LRRC7: variants seen among roughly 807,000 people sequenced by gnomAD.
The protein encoded by LRRC7 is leucine-rich repeat-containing protein 7.
LRRC7 carries 23 observed loss-of-function variants against 175.7 expected under a neutral mutation model. That is an observed-to-expected ratio of 0.13 (90% confidence interval 0.09 to 0.19). The LOEUF is 0.19. LRRC7 is among the 10% of genes least tolerant of loss of function. LRRC7 has a pLI of 1.00. For missense variants in LRRC7, 1,354 were observed against 1,904.7 expected, an observed-to-expected ratio of 0.71 and a Z score of 5.38; for synonymous variants, 685 against 680.9, an observed-to-expected ratio of 1.01 and a Z score of -0.09.
intron 25 of LRRC7, among the ~76,000 whole-genome samples, chr1:70,090,861 G>A (rs1364570160): frequency 2.6e-5 from 4 of 152,060 alleles, no homozygotes; most frequent in African/African-American, 9.7e-5. Context: ...TCTGTAGCCC[G>A]AAACAGAGCC....
chr1:69,930,529 A>C (rs1482403777), intron 7 of LRRC7, among the ~76,000 whole-genome samples: 1 of 152,188 alleles, frequency 6.6e-6, no homozygotes, highest in African/African-American at 2.4e-5. Context: ...ATTTTCTCAT[A>C]GTGTATGTTT....
At position 69,717,842 on chromosome 1, in the gene LRRC7, A is replaced by G. The variant is rs564132263; in HGVS notation, c.100+39364A>G. Reference sequence around the variant, plus strand: ...AGAAAGAAAGAAAGAAAGAAAGAAAAAAGAAAGAAAGGAAAGAAAGAAAGA... The same window carrying G: ...AGAAAGAAAGAAAGAAAGAAAGAAAGAAGAAAGAAAGGAAAGAAAGAAAGA... On this transcript the variant is annotated intron_variant, in intron 2 of 26. Transcript: ENST00000651989. Among the ~76,000 whole-genome samples, 69 of 16,006 alleles carry G rather than the reference A, an allele frequency of 4.3e-3. 7 individuals are homozygous for G. Among genetic ancestry groups the G allele is most frequent in the African/African-American group, 0.01 (17 of 1,660 alleles). 10.5% of individuals were successfully genotyped at this position (16,006 alleles called of 152,430 possible).
intron 20 of LRRC7, among the ~76,000 whole-genome samples, chr1:70,037,360 C>T (rs547901581): frequency 2.4e-4 from 37 of 152,252 alleles, no homozygotes; most frequent in Admixed American, 3.3e-4. Context: ...CATTGATGCT[C>T]ATAATAAAAA....
rs548158378 is a variant in LRRC7 at position 70,099,584 on chromosome 1, T to C, written c.4546-8168T>C. Among the ~76,000 whole-genome samples, 144 of 152,294 alleles carry C rather than the reference T, an allele frequency of 9.5e-4. 1 individual carries two copies. The highest frequency in any genetic ancestry group is 2.4e-3 in the Admixed American group (37 of 15,292). On this transcript the variant is annotated intron_variant, in intron 25 of 26. Coordinates refer to ENST00000651989, the MANE Select transcript of LRRC7 (RefSeq NM_001370785.2). ...ATATCTTGAATTTTTCACTTTTCAA[T>C]TTGTGATTTTAAAATAGTGCAGATA... is the stretch of plus-strand genomic sequence containing the variant.
intron 7 of LRRC7, among the ~76,000 whole-genome samples, chr1:69,841,750 G>T (rs1681757418): frequency 6.6e-6 from 1 of 152,074 alleles, no homozygotes; most frequent in Non-Finnish European, 1.5e-5. Flanking sequence ...ACTCTCCAGT[G>T]CCTTAAACAT....
intron 1 of LRRC7, among the ~76,000 whole-genome samples, chr1:69,652,389 A>C (rs227109): frequency 0.73 from 111,246 of 152,084 alleles, 41,039 homozygotes; most frequent in African/African-American, 0.8. Context: ...ATCTTATCTA[A>C]AGTAACACCA....
intron 8 of LRRC7, among the ~76,000 whole-genome samples, chr1:69,976,716 T>G (rs1652857739): frequency 6.6e-6 from 1 of 152,168 alleles, no homozygotes; most frequent in Non-Finnish European, 1.5e-5. Flanking sequence ...TAGTCACCCT[T>G]ACACTTCTGG....
chr1:69,623,765 G>C (rs993642101), intron 1 of LRRC7, among the ~76,000 whole-genome samples: 1 of 152,114 alleles, frequency 6.6e-6, no homozygotes, highest in Non-Finnish European at 1.5e-5. Flanking sequence ...GGTCAGACTA[G>C]TCTTGAACTC....
chr1:69,621,558 A>G (rs1222221895), intron 1 of LRRC7, among the ~76,000 whole-genome samples: 2 of 152,164 alleles, frequency 1.3e-5, no homozygotes, highest in Non-Finnish European at 2.9e-5. Flanking sequence ...TTGAAATATC[A>G]TAGTTGTTTA....
At chr1:69,865,979 TCTG>T (rs1172591956) in intron 7 of LRRC7, among the ~76,000 whole-genome samples, 1 of 152,182 alleles carries the variant, frequency 6.6e-6, no homozygotes, top group African/African-American at 2.4e-5. Flanking sequence ...GTTAACTATG[TCTG>T]AAGGTACCTG....
chr1:70,086,874 T>C (rs1400524985), intron 24 of LRRC7, among the ~76,000 whole-genome samples: 1 of 152,216 alleles, frequency 6.6e-6, no homozygotes, highest in East Asian at 1.9e-4. Context: ...TTCAGACTGC[T>C]TCCTGGATGT....
intron 1 of LRRC7, among the ~76,000 whole-genome samples, chr1:69,628,811 A>C (rs1316747602): frequency 1.3e-5 from 2 of 152,206 alleles, no homozygotes; most frequent in Non-Finnish European, 2.9e-5. Context: ...CTCAGAAATT[A>C]ACTCATAGAA....
chr1:69,777,119 A>T (rs191042684), intron 3 of LRRC7, among the ~76,000 whole-genome samples: 399 of 152,246 alleles, frequency 2.6e-3, no homozygotes, highest in Non-Finnish European at 4.7e-3. Flanking sequence ...TCCTTCTGTC[A>T]TCACCAATGG....
rs144877898 is a variant in LRRC7, at chr1:69,925,212, T to C, written c.648-6295T>C. 9.2e-3 allele frequency among the ~76,000 whole-genome samples: 1,398 copies of C among 152,310 alleles called. 23 individuals are homozygous for C. Among genetic ancestry groups the C allele is most frequent in the African/African-American group, 0.031 (1,298 of 41,562 alleles). ...CTGGATTCGGTTTGCCAGTATTTTA[T>C]TGAGGATTTTTCCATCAATGTTCAT... On this transcript the variant is annotated intron_variant, in intron 7 of 26. Transcript: ENST00000651989.
intron 2 of LRRC7, among the ~76,000 whole-genome samples, chr1:69,689,756 G>A (rs1661607964): frequency 6.6e-6 from 1 of 152,154 alleles, no homozygotes; most frequent in African/African-American, 2.4e-5. Context: ...CTAATAGTAA[G>A]CTAGAAAATC....
At position 70,140,574 on chromosome 1, in the gene LRRC7, T is replaced by TAA. The variant is rs1043969878; in HGVS notation, c.*18688_*18689insAA. The TAA allele has an allele frequency of 1.3e-5, 2 of 152,200 alleles. No individual in the cohort carries two copies. The highest frequency in any genetic ancestry group is 4.8e-5 in the African/African-American group (2 of 41,472). The allele number at this position is 152,200 out of a possible 1,614,324, so 9.4% of individuals were successfully genotyped here. ...GGCAGAGAAAGTATGACTCTGCTTT[T>TAA]AGCCTTCTGCACAAGACAAAATCCT... On this transcript the variant is annotated 3_prime_UTR_variant, in exon 27 of 27. Transcript: ENST00000651989.
intron 3 of LRRC7, among the ~76,000 whole-genome samples, chr1:69,789,284 G>T (rs1472520322): frequency 2.0e-5 from 3 of 151,974 alleles, no homozygotes; most frequent in Admixed American, 6.6e-5. Flanking sequence ...TATTGTTTTT[G>T]AAATGTAAAA....
At chr1:69,629,054 G>A (rs1267702360) in intron 1 of LRRC7, among the ~76,000 whole-genome samples, 1 of 152,052 alleles carries the variant, frequency 6.6e-6, no homozygotes, top group Non-Finnish European at 1.5e-5. Flanking sequence ...ATGACCTTGG[G>A]TTTGGAAGTG....
chr1:69,718,076 AAG>A (rs1422580845), intron 2 of LRRC7, among the ~76,000 whole-genome samples: 19 of 124,846 alleles, frequency 1.5e-4, no homozygotes, highest in African/African-American at 3.4e-4. Context: ...AGAGAAAGAG[AAG>A]AGAGAGAAAA....
Sources: allele counts gnomAD v4.1 joint callset (sites outside exome capture counted in the v4.1 genomes callset), GRCh38; gene constraint gnomAD v4.1.1; transcripts MANE v1.5; gene names NCBI Gene and HGNC (gene_info 2026-07-23, HGNC 2026-07-21).